STX18: variants seen among roughly 807,000 people sequenced by gnomAD.
The protein encoded by STX18 is syntaxin-18.
In STX18, 40 loss-of-function variants were observed where a neutral mutation model predicts 50.1. The observed-to-expected ratio is 0.80, with a 90% CI of 0.62 to 1.04. The LOEUF is 1.04. STX18 is among the 50% of genes least tolerant of loss of function. The pLI is 0.00. For missense variants in STX18, 410 were observed against 415.8 expected (o/e 0.99, Z 0.12); for synonymous variants, 158 against 151.8 (o/e 1.04, Z -0.30).
Position 4,434,942 on chromosome 4 carries a change from G to A in STX18, c.614-84C>T, listed in dbSNP as rs967979972. On this transcript the variant is annotated intron_variant, in intron 6 of 10. Coordinates refer to ENST00000306200, the MANE Select transcript of STX18 (RefSeq NM_016930.4). The stretch of plus-strand genomic sequence containing the variant: ...TAGGATGTAGTCATAACACAAACAA[G>A]AGATTAAACAGAATCTTACAGCTTT... The A allele has an allele frequency of 5.6e-6, 5 of 900,040 alleles. No homozygotes were observed. The African/African-American group carries it at 8.6e-5, about 16-fold the overall frequency. The allele number at this position is 900,040 out of a possible 1,614,324, so 55.8% of individuals were successfully genotyped here.
Position 4,434,766 on chromosome 4 carries a change from T to C in STX18, c.702+4A>G, listed in dbSNP as rs2108784044. 1 of 1,602,466 alleles carries C rather than the reference T, an allele frequency of 6.2e-7. No individual in the cohort carries two copies. Among genetic ancestry groups the C allele is most frequent in the Non-Finnish European group, 8.5e-7 (1 of 1,175,746 alleles). ...ATAAATAATTAGGCAGAGAATAGCA[T>C]TACCATTTGTATTTCTTCTGGGGAT... On this transcript the variant is annotated splice_donor_region_variant and intron_variant, in intron 7 of 10. Coordinates refer to ENST00000306200, the MANE Select transcript of STX18 (RefSeq NM_016930.4).
At chr4:4,538,895 T>A (rs890740060) in intron 1 of STX18, among the ~76,000 whole-genome samples, 7 of 152,164 alleles carry the variant, frequency 4.6e-5, no homozygotes, top group African/African-American at 1.7e-4. Context: ...GTTGTTCGAA[T>A]AATATAAGTT....
At chr4:4,497,969 C>T (rs990482643) in intron 1 of STX18, among the ~76,000 whole-genome samples, 8 of 152,114 alleles carry the variant, frequency 5.3e-5, no homozygotes, top group South Asian at 2.1e-4. Flanking sequence ...CAGGTGCCTC[C>T]GTCTAAGGTC....
chr4:4,423,366 C>T (rs994046511), intron 9 of STX18, 152 bp downstream of exon 9: 2 of 764,722 alleles, frequency 2.6e-6, no homozygotes, highest in Non-Finnish European at 2.2e-6. Context: ...AGAGCTTTTC[C>T]CTGAGGAGCT....
chr4:4,497,133 C>T (rs1316061249), intron 1 of STX18, among the ~76,000 whole-genome samples: 2 of 152,188 alleles, frequency 1.3e-5, no homozygotes, highest in Non-Finnish European at 2.9e-5. Context: ...CCAGGCTCCC[C>T]CTCCGGCTCC....
intron 1 of STX18, among the ~76,000 whole-genome samples, chr4:4,482,974 C>G (rs573123698): frequency 1.3e-5 from 2 of 152,246 alleles, no homozygotes; most frequent in Non-Finnish European, 2.9e-5. Flanking sequence ...TACGGGACTG[C>G]GGCTTCCAGA....
chr4:4,529,969 T>C (rs1361256996), intron 1 of STX18, among the ~76,000 whole-genome samples: 2 of 152,146 alleles, frequency 1.3e-5, no homozygotes, highest in African/African-American at 2.4e-5. Context: ...GGAAAATTAC[T>C]CCCTTTACAA....
At position 4,473,824 on chromosome 4, in the gene STX18, C is replaced by T. The variant is rs144717823; in HGVS notation, c.169-2118G>A. On this transcript the variant is annotated intron_variant, in intron 1 of 10. Transcript: ENST00000306200. ...GCAAGGGAAATGCGTGGGTAGAATA[C>T]ATTCGACAGTGGTGAATTCTGGTTT... Among the ~76,000 whole-genome samples, 29 of 152,274 alleles carry T rather than the reference C, an allele frequency of 1.9e-4. No individual in the cohort carries two copies. In the Middle Eastern group the frequency reaches 0.014, roughly 71 times the overall value.
At chr4:4,426,076 T>C (rs1725230899) in intron 7 of STX18, 1 of 152,180 alleles carries the variant, frequency 6.6e-6, no homozygotes, top group African/African-American at 2.4e-5. Context: ...AGGCCCCACT[T>C]CTCCAGGACA....
intron 7 of STX18, among the ~76,000 whole-genome samples, chr4:4,429,052 C>A (rs1176082946): frequency 6.6e-6 from 1 of 152,158 alleles, no homozygotes; most frequent in Admixed American, 6.5e-5. Flanking sequence ...CCAGCACTCT[C>A]CCCCACCCTC....
chr4:4,470,537 A>G (rs933424569), intron 2 of STX18, among the ~76,000 whole-genome samples: 17 of 152,224 alleles, frequency 1.1e-4, no homozygotes, highest in African/African-American at 4.1e-4. Context: ...CTGGTGACAA[A>G]GACAGATAAT....
Position 4,457,473 on chromosome 4 carries a change from A to G in STX18, c.380T>C (p.Val127Ala). Reference protein sequence around the residue: ...EAHKEIHSQQVKEHRTAVLDF... With the variant: ...EAHKEIHSQQAKEHRTAVLDF... The stretch of plus-strand genomic sequence containing the variant: ...CAAAACAGCGGTCCTGTGCTCCTTC[A>G]CTTGCTGGGAATGTATCTCCTTGTG... The change falls in exon 4 of 11, where the codon GTG (valine) becomes GCG (alanine). Residue 127 changes from valine to alanine, a missense_variant. Transcript: ENST00000306200. 6.2e-7 allele frequency: 1 copy of G among 1,614,046 alleles called. No homozygotes were observed. Among genetic ancestry groups the G allele is most frequent in the Non-Finnish European group, 8.5e-7 (1 of 1,179,982 alleles).
At chr4:4,489,559 T>C (rs1728854566) in intron 1 of STX18, among the ~76,000 whole-genome samples, 1 of 151,812 alleles carries the variant, frequency 6.6e-6, no homozygotes, top group Non-Finnish European at 1.5e-5. Flanking sequence ...CAGAAAATAT[T>C]ATTTCAAGAG....
Position 4,420,769 on chromosome 4 carries a change from AAGGCTCCTGGGCAGCT to A in STX18, c.912+79_912+94del. 2.6e-6 allele frequency: 3 copies of A among 1,168,108 alleles called. No homozygotes were observed. Among genetic ancestry groups the A allele is most frequent in the Non-Finnish European group, 3.8e-6 (3 of 782,908 alleles). The allele number at this position is 1,168,108 out of a possible 1,614,324, so 72.4% of individuals were successfully genotyped here. On this transcript the variant is annotated intron_variant, in intron 10 of 10. Transcript: ENST00000306200. The surrounding 1 kb of genome is among the most constrained non-coding windows in gnomAD (Gnocchi z 4.3). ...ATCAGCCCCGTGAGCTCTGCCCAGC[AAGGCTCCTGGGCAGCT>A]GTGCCGGCGAGACTAACACCCGCTG...
At chr4:4,452,279 C>G (rs545690062) in intron 5 of STX18, among the ~76,000 whole-genome samples, 1 of 152,194 alleles carries the variant, frequency 6.6e-6, no homozygotes, top group Non-Finnish European at 1.5e-5. Context: ...GGTGAATTAG[C>G]AAGTGCTGAC....
chr4:4,491,022 T>C (rs187843074), intron 1 of STX18, among the ~76,000 whole-genome samples: 44 of 152,158 alleles, frequency 2.9e-4, no homozygotes, highest in Admixed American at 2.4e-3. Flanking sequence ...GTGGTCCAAA[T>C]GTACATTTGT....
At chr4:4,450,427 T>G (rs1726683322) in intron 5 of STX18, among the ~76,000 whole-genome samples, 1 of 152,140 alleles carries the variant, frequency 6.6e-6, no homozygotes, top group Non-Finnish European at 1.5e-5. Flanking sequence ...GTCAAGTGAT[T>G]CTGGTGCCTC....
chr4:4,433,219 T>C (rs1007235891), intron 7 of STX18, among the ~76,000 whole-genome samples: 19 of 152,356 alleles, frequency 1.2e-4, no homozygotes, highest in Non-Finnish European at 2.6e-4. Context: ...TGTAAAAGGC[T>C]TGGGATAGAG....
In STX18 at chr4:4,499,674, T is replaced by G. The variant is rs115537475; in HGVS notation, c.169-27968A>C. 1.0e-3 allele frequency: 297 copies of G among 285,466 alleles called. 2 individuals are homozygous for G. Among genetic ancestry groups the G allele is most frequent in the Non-Finnish European group, 1.4e-3 (264 of 189,928 alleles). The allele number at this position is 285,466 out of a possible 1,614,324, so 17.7% of individuals were successfully genotyped here. On this transcript the variant is annotated intron_variant, in intron 1 of 10. Transcript: ENST00000306200. ...CAGGTGAGAACAGGAACTGTCAAGT[T>G]ACTTACACAATAGAACATTCTATCA...
Sources: gnomAD v4.1 joint callset for allele counts (sites outside exome capture counted in the v4.1 genomes callset) on GRCh38, gnomAD v4.1.1 for gene constraint, Gnocchi (gnomAD v3.1) non-coding constraint, MANE v1.5 for transcripts, NCBI Gene and HGNC (gene_info 2026-07-23, HGNC 2026-07-21) for gene names.